Variants in LOC128462377 observed in about 807,000 individuals in gnomAD.
chr16:89,401,068 ATGT>A, the LOC128462377 span, among the ~76,000 whole-genome samples: 1 of 151,858 alleles, frequency 6.6e-6, no homozygotes, highest in South Asian at 2.1e-4. Context: ...TGTCTCAGTA[ATGT>A]TATATATTTC....
the LOC128462377 span, among the ~76,000 whole-genome samples, chr16:89,366,550 G>T: frequency 6.6e-6 from 1 of 152,192 alleles, no homozygotes; most frequent in Non-Finnish European, 1.5e-5. Context: ...GTCTCGCTGT[G>T]AGAAACCCAG....
At chr16:89,371,371 C>T in the LOC128462377 span, among the ~76,000 whole-genome samples, 7 of 152,332 alleles carry the variant, frequency 4.6e-5, no homozygotes, top group South Asian at 2.1e-4. Context: ...CATTTGGTGT[C>T]GTTTTATGTC....
the LOC128462377 span, among the ~76,000 whole-genome samples, chr16:89,347,501 C>T: frequency 2.6e-5 from 4 of 151,484 alleles, no homozygotes; most frequent in Non-Finnish European, 5.9e-5. Context: ...GTCCCAGCTA[C>T]TAGGGAGGCT....
the LOC128462377 span, among the ~76,000 whole-genome samples, chr16:89,336,969 A>T: frequency 1.5e-5 from 2 of 132,566 alleles, no homozygotes; most frequent in African/African-American, 5.6e-5. Flanking sequence ...CAGGAGGTGG[A>T]GACTAGCCTG....
chr16:89,414,436 C>T, the LOC128462377 span, among the ~76,000 whole-genome samples: 1 of 152,156 alleles, frequency 6.6e-6, no homozygotes, highest in African/African-American at 2.4e-5. Flanking sequence ...AGCCGCACCG[C>T]CTGAGAGGAC....
chr16:89,321,189 T>C, the LOC128462377 span: 96,177 of 152,172 alleles, frequency 0.63, 30,662 homozygotes, highest in Middle Eastern at 0.72. Context: ...CCTCCAGGAT[T>C]AAGCCTGATG....
At chr16:89,339,423 A>G in the LOC128462377 span, among the ~76,000 whole-genome samples, 5 of 152,210 alleles carry the variant, frequency 3.3e-5, no homozygotes, top group African/African-American at 1.2e-4. Flanking sequence ...GTAGCATCAC[A>G]CAGGTCAGAT....
chr16:89,401,488 T>C, the LOC128462377 span, among the ~76,000 whole-genome samples: 1 of 152,222 alleles, frequency 6.6e-6, no homozygotes, highest in Non-Finnish European at 1.5e-5. Context: ...GTAATCCTTA[T>C]TTTGTAAAAA....
chr16:89,410,098 CA>C, the LOC128462377 span, among the ~76,000 whole-genome samples: 2 of 152,196 alleles, frequency 1.3e-5, no homozygotes, highest in Non-Finnish European at 2.9e-5. Context: ...CTCGGCCTCC[CA>C]AAGTGCTGGG....
chr16:89,414,284 A>T, the LOC128462377 span, among the ~76,000 whole-genome samples: 1 of 152,208 alleles, frequency 6.6e-6, no homozygotes, highest in Non-Finnish European at 1.5e-5. Context: ...CAAAACCCCC[A>T]ATTTTTGGGA....
At chr16:89,348,187 C>T in the LOC128462377 span, among the ~76,000 whole-genome samples, 1 of 152,242 alleles carries the variant, frequency 6.6e-6, no homozygotes, top group South Asian at 2.1e-4. Flanking sequence ...CCATCTCAGC[C>T]TCCCAAAATG....
chr16:89,351,410 C>T, the LOC128462377 span, among the ~76,000 whole-genome samples: 1 of 152,190 alleles, frequency 6.6e-6, no homozygotes, highest in Admixed American at 6.5e-5. Context: ...CTGACTTCAC[C>T]ACACACCCTC....
At chr16:89,410,609 GT>G in the LOC128462377 span, among the ~76,000 whole-genome samples, 1 of 152,210 alleles carries the variant, frequency 6.6e-6, no homozygotes, top group Non-Finnish European at 1.5e-5. Context: ...CCCTAAAGCA[GT>G]TGCTATCCTG....
chr16:89,403,599 C>T, the LOC128462377 span: 1 of 152,176 alleles, frequency 6.6e-6, no homozygotes, highest in Non-Finnish European at 1.5e-5. Context: ...AGACCACTTA[C>T]ATAAAAGCCC....
chr16:89,349,861 AACACACACACACACACACACAC>A, the LOC128462377 span, among the ~76,000 whole-genome samples: 337 of 133,240 alleles, frequency 2.5e-3, no homozygotes, highest in African/African-American at 7.7e-3. Flanking sequence ...TACTTGTTAA[AACACACACACACACACACACAC>A]ACACACACAC....
At chr16:89,368,480 G>A in the LOC128462377 span, among the ~76,000 whole-genome samples, 85,861 of 146,990 alleles carry the variant, frequency 0.58, 24,918 homozygotes, top group Middle Eastern at 0.76. Context: ...CTCGGCCTCC[G>A]AAGTGCTGGG....
chr16:89,368,300 G>T, the LOC128462377 span, among the ~76,000 whole-genome samples: 1 of 148,414 alleles, frequency 6.7e-6, no homozygotes, highest in Non-Finnish European at 1.5e-5. Context: ...GGTTACAAGC[G>T]ATTCTCCTGC....
the LOC128462377 span, among the ~76,000 whole-genome samples, chr16:89,317,650 G>A: frequency 6.6e-6 from 1 of 152,166 alleles, no homozygotes; most frequent in Non-Finnish European, 1.5e-5. Context: ...CAGCAGCTCC[G>A]AGGTCCCAAC....
the LOC128462377 span, among the ~76,000 whole-genome samples, chr16:89,407,692 C>G: frequency 6.6e-6 from 1 of 151,952 alleles, no homozygotes; most frequent in South Asian, 2.1e-4. Flanking sequence ...CACATAGACA[C>G]ACACAGAATT....
Sources: gnomAD v4.1 joint callset for allele counts (sites outside exome capture counted in the v4.1 genomes callset) on GRCh38, gnomAD v4.1.1 for gene constraint, MANE v1.5 for transcripts.